The following TRIM16 variants were observed in gnomAD, a reference collection of about 807,000 sequenced individuals.
TRIM16 encodes the protein tripartite motif-containing protein 16.
A neutral mutation model predicts 50.4 loss-of-function variants in TRIM16; 33 were observed. The observed-to-expected ratio is 0.65, with a 90% CI of 0.50 to 0.88. The LOEUF is 0.88. Among genes scored for constraint, TRIM16 ranks in the 40% least tolerant of loss-of-function variants. The pLI, the probability that TRIM16 is intolerant of heterozygous loss-of-function variation, is 0.00. For synonymous variants in TRIM16, 229 were observed against 270.7 expected, an observed-to-expected ratio of 0.85 and a Z score of 1.51; for missense variants, 581 against 686.8, an observed-to-expected ratio of 0.85 and a Z score of 1.72.
chr17:15,646,661 T>C (rs929036777), intron 7 of TRIM16, among the ~76,000 whole-genome samples: 1 of 146,550 alleles, frequency 6.8e-6, no homozygotes, highest in Non-Finnish European at 1.5e-5. Context: ...AGCCAGGTCA[T>C]GTTAGAGATG....
intron 7 of TRIM16, among the ~76,000 whole-genome samples, chr17:15,650,445 T>C (rs1987629979): frequency 6.6e-6 from 1 of 152,198 alleles, no homozygotes; most frequent in Non-Finnish European, 1.5e-5. Flanking sequence ...TGACAGGCTA[T>C]GAGCATGATG....
At chr17:15,665,385 T>C (rs1988450159) in intron 6 of TRIM16, among the ~76,000 whole-genome samples, 1 of 152,248 alleles carries the variant, frequency 6.6e-6, no homozygotes, top group East Asian at 1.9e-4. Flanking sequence ...GGTGGGTGCC[T>C]GTAGTCCCAG....
At chr17:15,633,323 T>G (rs1986526892) in intron 9 of TRIM16, among the ~76,000 whole-genome samples, 2 of 150,596 alleles carry the variant, frequency 1.3e-5, no homozygotes, top group Admixed American at 6.6e-5. Context: ...TGTATGAAAA[T>G]GATTAGATAG....
In TRIM16 at chr17:15,637,115, T is replaced by TC. The variant is rs1478327972; in HGVS notation, c.616-847_616-846insG. On this transcript the variant is annotated intron_variant, in intron 8 of 11. Transcript: ENST00000649191. Reference sequence around the variant, plus strand: ...GCAGCCACCCCGTCCGGGAGGGAGGTGGGGGGGGGGGGTCAGCCCCCCGCC... The same window carrying TC: ...GCAGCCACCCCGTCCGGGAGGGAGGTCGGGGGGGGGGGGTCAGCCCCCCGCC... 3.1e-3 allele frequency among the ~76,000 whole-genome samples: 212 copies of TC among 67,462 alleles called. 2 individuals are homozygous for TC. The highest frequency in any genetic ancestry group is 6.2e-3 in the Non-Finnish European group (187 of 30,284). The allele number at this position is 67,462 out of a possible 152,430, so 44.3% of individuals were successfully genotyped here. A position where few individuals can be genotyped will look rare whatever the true frequency, so the allele number is the denominator to read the frequency against.
Position 15,628,882 on chromosome 17 carries a change from G to C in TRIM16, c.1428C>G (p.Phe476Leu), listed in dbSNP as rs1285555000. ...TCTCCATGTCACTGTACCAGGCCGT[G>C]AACTCCTTCCCGTTCCATTGGAGGC... ...SWSLQWNGKE[F>L]TAWYSDMETP... Residue 476 changes from phenylalanine (F) to leucine (L), a missense_variant, in exon 12 of 12, where the codon TTC (phenylalanine) becomes TTG (leucine). Physicochemically the swap from Phe to Leu is conservative, Grantham distance 22. This residue lies in a region of TRIM16 where 115 missense variants were observed against 106.7 expected (regional missense o/e 1.08). Coordinates refer to ENST00000649191, the MANE Select transcript of TRIM16 (RefSeq NM_001348119.1). The C allele has an allele frequency of 1.2e-6, 2 of 1,614,226 alleles. No individual in the cohort carries two copies. Among genetic ancestry groups the C allele is most frequent in the East Asian group, 2.2e-5 (1 of 44,886 alleles).
chr17:15,658,821 G>C, intron 6 of TRIM16: 1 of 985,450 alleles, frequency 1.0e-6, no homozygotes. Context: ...CAGGCCCAAT[G>C]AACTTTCTGG....
At chr17:15,667,662 T>G (rs1988554930) in intron 6 of TRIM16, among the ~76,000 whole-genome samples, 1 of 152,202 alleles carries the variant, frequency 6.6e-6, no homozygotes, top group South Asian at 2.1e-4. Flanking sequence ...CCATCATTTC[T>G]ATGGAAAGAA....
At chr17:15,648,402 A>C (rs573538396) in intron 7 of TRIM16, among the ~76,000 whole-genome samples, 1 of 152,278 alleles carries the variant, frequency 6.6e-6, no homozygotes, top group South Asian at 2.1e-4. Context: ...CAAAGCACAC[A>C]GTGTCTGCCC....
intron 7 of TRIM16, among the ~76,000 whole-genome samples, chr17:15,650,232 T>C (rs955043220): frequency 1.3e-5 from 2 of 152,172 alleles, no homozygotes; most frequent in Non-Finnish European, 2.9e-5. Context: ...GGGAACTTCC[T>C]TGATGATTAA....
At chr17:15,666,246 T>G (rs973664515) in intron 6 of TRIM16, among the ~76,000 whole-genome samples, 4 of 152,202 alleles carry the variant, frequency 2.6e-5, no homozygotes, top group African/African-American at 9.7e-5. Context: ...ATTTATGTAT[T>G]TATTTATTTT....
At chr17:15,659,099 G>A (rs1298906756) in intron 6 of TRIM16, among the ~76,000 whole-genome samples, 1 of 151,306 alleles carries the variant, frequency 6.6e-6, no homozygotes, top group Admixed American at 6.6e-5. Context: ...CACACCAGTT[G>A]GTACAGAGAC....
Position 15,651,157 on chromosome 17 carries a change from C to T in TRIM16, c.453G>A (p.Gln151=). ...GGCCACTGTGCTCCTGGCAACAGTC[C>T]TGGCAGATGCACTGCTGATCAGGGC... The part of the protein sequence containing the change: ...FCCPDQQCIC[Q]DCCQEHSGHT... The change falls in exon 7 of 12, where the codon CAG becomes CAA. Residue 151 remains glutamine, a synonymous_variant. Coordinates refer to ENST00000649191, the MANE Select transcript of TRIM16 (RefSeq NM_001348119.1). The T allele has an allele frequency of 6.2e-7, 1 of 1,614,214 alleles. No individual in the cohort carries two copies. Among genetic ancestry groups the T allele is most frequent in the Non-Finnish European group, 8.5e-7 (1 of 1,180,042 alleles).
intron 6 of TRIM16, among the ~76,000 whole-genome samples, chr17:15,667,928 G>A (rs1049524322): frequency 1.2e-4 from 18 of 150,358 alleles, no homozygotes; most frequent in Admixed American, 3.3e-4. Context: ...CCAGGATCCC[G>A]CCGGGACACT....
chr17:15,658,891 T>C (rs1347455721), intron 6 of TRIM16: 1 of 985,092 alleles, frequency 1.0e-6, no homozygotes, highest in South Asian at 4.7e-5. Context: ...AAGAAGAAGA[T>C]GGCCTCTTGG....
chr17:15,660,212 C>T (rs907237690), intron 6 of TRIM16, among the ~76,000 whole-genome samples: 1 of 152,142 alleles, frequency 6.6e-6, no homozygotes, highest in African/African-American at 2.4e-5. Context: ...GACCCCTCAA[C>T]AAAGGAAGGA....
At chr17:15,671,918 G>A (rs1255560741) in intron 6 of TRIM16, among the ~76,000 whole-genome samples, 1 of 152,164 alleles carries the variant, frequency 6.6e-6, no homozygotes, top group East Asian at 1.9e-4. Context: ...AGACTAACTT[G>A]CAAAATGAAA....
Position 15,651,382 on chromosome 17 carries a change from C to T in TRIM16, c.228G>A (p.Leu76=). The T allele has an allele frequency of 6.2e-7, 1 of 1,614,234 alleles. No homozygotes were observed. Among genetic ancestry groups the T allele is most frequent in the Non-Finnish European group, 8.5e-7 (1 of 1,180,036 alleles). The change falls in exon 7 of 12, where the codon CTG becomes CTA. Residue 76 remains leucine, a synonymous_variant. Coordinates refer to ENST00000649191, the MANE Select transcript of TRIM16 (RefSeq NM_001348119.1). ...TGGTGTCATCAAGGCAGAAGTCACA[C>T]AGGACCTCTTTCCCCTCACCAGCAG... is the stretch of plus-strand genomic sequence containing the variant. ...GDPAGEGKEV[L]CDFCLDDTRR...
At position 15,664,175 on chromosome 17, in the gene TRIM16, T is replaced by C. The variant is rs139508872; in HGVS notation, c.-337-12229A>G. Among the ~76,000 whole-genome samples the C allele has an allele frequency of 3.9e-3, 596 of 152,270 alleles. 2 individuals carry two copies. Among genetic ancestry groups the C allele is most frequent in the African/African-American group, 0.014 (568 of 41,548 alleles). On this transcript the variant is annotated intron_variant, in intron 6 of 11. Transcript: ENST00000649191. ...AAAGGGCAAGAAATCCATTTTAAGG[T>C]TGAAGAAGCAGCACAGATGATCCCA... is the stretch of plus-strand genomic sequence containing the variant.
intron 1 of TRIM16, chr17:15,683,431 T>C (rs2151434276): frequency 4.0e-6 from 1 of 252,222 alleles, no homozygotes; most frequent in Non-Finnish European, 7.7e-6. Context: ...AATACAAAAG[T>C]GCAGGGTGGT....
Sources: allele counts gnomAD v4.1 joint callset (sites outside exome capture counted in the v4.1 genomes callset), GRCh38; gene constraint gnomAD v4.1.1; regional missense constraint gnomAD v4.1.1; transcripts MANE v1.5; gene names NCBI Gene and HGNC (gene_info 2026-07-23, HGNC 2026-07-21).